Variants in MPP4 observed in about 807,000 individuals in gnomAD.
MPP4 encodes the protein MAGUK p55 scaffold protein 4, also known as MAGUK p55 subfamily member 4.
Under a neutral mutation model 98.3 loss-of-function variants are expected in MPP4, and 91 were observed. The observed-to-expected ratio is 0.93, with a 90% CI of 0.78 to 1.10. The LOEUF (loss-of-function observed/expected upper bound fraction) is 1.10. Ranked by LOEUF, MPP4 falls within the 50% of genes least tolerant of loss-of-function variation. The pLI is 0.00. For missense variants in MPP4, 744 were observed against 792.9 expected, an observed-to-expected ratio of 0.94 and a Z score of 0.74; for synonymous variants, 261 against 271.8, an observed-to-expected ratio of 0.96 and a Z score of 0.39.
At chr2:201,682,684 G>A (rs1559015824) in intron 8 of MPP4, 147 bp downstream of exon 8, 1 of 617,690 alleles carries the variant, frequency 1.6e-6, no homozygotes, top group Non-Finnish European at 2.8e-6. Context: ...ATGGGTGACA[G>A]ACAAGGTCTG....
In MPP4 at chr2:201,680,916, G is replaced by A. The variant is rs774734509; in HGVS notation, c.851C>T (p.Ala284Val). ...DILQIVDQND[A>V]LWWQARKISD... Reference sequence around the variant, plus strand: ...GATTTTTCGGGCCTGCCACCAGAGGGCATCATTCTGGTCCACAATCTGGAG... The same window carrying A: ...GATTTTTCGGGCCTGCCACCAGAGGACATCATTCTGGTCCACAATCTGGAG... Residue 284 changes from alanine to valine, a missense_variant, in exon 10 of 22, where the codon GCC (alanine) becomes GTC (valine). Ala to Val is a moderately conservative substitution (Grantham distance 64). Transcript: ENST00000409474. 7 of 1,613,826 alleles carry A rather than the reference G, an allele frequency of 4.3e-6. 1 individual carries two copies. The highest frequency in any genetic ancestry group is 2.2e-5 in the South Asian group (2 of 91,026).
chr2:201,669,129 A>T (rs1350488710), intron 12 of MPP4, among the ~76,000 whole-genome samples: 2 of 151,346 alleles, frequency 1.3e-5, no homozygotes, highest in African/African-American at 4.9e-5. Context: ...TGTGAGAGAG[A>T]GAGAGAGAGA....
chr2:201,660,198 AG>A (rs1459946465), intron 15 of MPP4, 133 bp downstream of exon 15: 2 of 829,728 alleles, frequency 2.4e-6, no homozygotes, highest in Non-Finnish European at 3.8e-6. Flanking sequence ...TGTAAATATG[AG>A]GGGAAAACCA....
chr2:201,668,763 C>A (rs1688254641), intron 12 of MPP4, among the ~76,000 whole-genome samples: 1 of 152,208 alleles, frequency 6.6e-6, no homozygotes, highest in African/African-American at 2.4e-5. Context: ...CAGTTCCCAG[C>A]TCCTCCCTCC....
intron 1 of MPP4, among the ~76,000 whole-genome samples, chr2:201,697,120 G>GTTC (rs1689211354): frequency 6.6e-6 from 1 of 152,190 alleles, no homozygotes; most frequent in African/African-American, 2.4e-5. Flanking sequence ...CCTGCCAGAT[G>GTTC]ATGGCACAGT....
chr2:201,656,085 G>C, intron 17 of MPP4, 113 bp downstream of exon 17: 1 of 1,191,210 alleles, frequency 8.4e-7, no homozygotes, highest in Non-Finnish European at 1.1e-6. Context: ...AAAGGTATTT[G>C]TATGGGGGTC....
Position 201,685,914 on chromosome 2 carries a change from C to G in MPP4, c.492+5G>C, listed in dbSNP as rs1688816061. On this transcript the variant is annotated splice_donor_5th_base_variant and intron_variant, in intron 6 of 21. Transcript: ENST00000409474. ...AAATGGAAAGATAAAAAATGATTTC[C>G]TTACCAGGGGCTGTTGGTTTTTCAC... The G allele has an allele frequency of 6.2e-7, 1 of 1,609,572 alleles. No homozygotes were observed. The highest frequency in any genetic ancestry group is 1.3e-5 in the African/African-American group (1 of 74,936).
chr2:201,654,380 G>T (rs534713548), intron 18 of MPP4, among the ~76,000 whole-genome samples: 2 of 152,316 alleles, frequency 1.3e-5, no homozygotes, highest in Admixed American at 6.5e-5. Flanking sequence ...AGCACTGGGT[G>T]TATGTTAACT....
At chr2:201,661,758 T>C (rs1242407206) in intron 14 of MPP4, among the ~76,000 whole-genome samples, 1 of 152,088 alleles carries the variant, frequency 6.6e-6, no homozygotes, top group African/African-American at 2.4e-5. Context: ...GAACCCGCAG[T>C]TAGTGAGTAA....
chr2:201,678,168 C>T (rs926293378), intron 10 of MPP4, among the ~76,000 whole-genome samples: 5 of 142,808 alleles, frequency 3.5e-5, no homozygotes, highest in Admixed American at 6.7e-5. Flanking sequence ...GTTTGTGTGC[C>T]CCCCCAAGAA....
intron 10 of MPP4, among the ~76,000 whole-genome samples, chr2:201,677,162 G>A (rs900953910): frequency 6.6e-6 from 1 of 152,020 alleles, no homozygotes; most frequent in Non-Finnish European, 1.5e-5. Context: ...CTGTCTCTGT[G>A]TCTCTCATTC....
chr2:201,684,638 C>T (rs1405333051), intron 7 of MPP4, among the ~76,000 whole-genome samples: 1 of 152,050 alleles, frequency 6.6e-6, no homozygotes, highest in Non-Finnish European at 1.5e-5. Flanking sequence ...TTACTAAAGC[C>T]CTGACCCAAG....
chr2:201,688,907 G>A (rs753880124), intron 4 of MPP4, among the ~76,000 whole-genome samples: 59 of 152,238 alleles, frequency 3.9e-4, no homozygotes, highest in Middle Eastern at 3.4e-3. Flanking sequence ...ATGAGCTACT[G>A]CACCCAGCCT....
At chr2:201,661,515 G>C (rs1688025394) in intron 14 of MPP4, 1 of 456,498 alleles carries the variant, frequency 2.2e-6, no homozygotes. Flanking sequence ...TTTTCCAGCT[G>C]AGAGGAGTCC....
chr2:201,660,650 G>A (rs1209193474), intron 14 of MPP4, among the ~76,000 whole-genome samples: 1 of 152,044 alleles, frequency 6.6e-6, no homozygotes, highest in African/African-American at 2.4e-5. Flanking sequence ...GGGCTTCAAA[G>A]GGAGAAGTTA....
In MPP4 at chr2:201,683,358, GAGA is replaced by G. The variant is rs375146451; in HGVS notation, c.575-445_575-443del. 2.5e-3 allele frequency among the ~76,000 whole-genome samples: 386 copies of G among 152,312 alleles called. 1 individual carries two copies. The highest frequency in any genetic ancestry group is 8.1e-3 in the African/African-American group (338 of 41,558). On this transcript the variant is annotated intron_variant, in intron 7 of 21. Transcript: ENST00000409474. ...AACAGTGGAGTTGTCAGATAGTTGAGAGAAGAAGTGGAATGGTGTTATAGAACA... is the reference window on the plus strand; with the variant it reads ...AACAGTGGAGTTGTCAGATAGTTGAGAGAAGTGGAATGGTGTTATAGAACA...
At chr2:201,661,141 G>A (rs1460151044) in intron 14 of MPP4, among the ~76,000 whole-genome samples, 5 of 150,628 alleles carry the variant, frequency 3.3e-5, no homozygotes, top group Non-Finnish European at 7.4e-5. Context: ...GGCTGGTCTC[G>A]AACTCCTGAC....
At chr2:201,693,747 C>T in intron 2 of MPP4, 129 bp downstream of exon 2, 1 of 1,141,110 alleles carries the variant, frequency 8.8e-7, no homozygotes, top group Non-Finnish European at 1.3e-6. Context: ...GGCAGTAGTG[C>T]AACCAAAAAT....
chr2:201,651,598 T>G (rs1687713544), intron 18 of MPP4: 1 of 984,654 alleles, frequency 1.0e-6, no homozygotes, highest in African/African-American at 1.7e-5. Context: ...AAAATCTACG[T>G]TGATATTCTT....
Sources: allele counts gnomAD v4.1 joint callset (sites outside exome capture counted in the v4.1 genomes callset), GRCh38; gene constraint gnomAD v4.1.1; transcripts MANE v1.5; gene names NCBI Gene and HGNC (gene_info 2026-07-23, HGNC 2026-07-21).